The following TMC1 variants were observed in gnomAD, a reference collection of about 807,000 sequenced individuals.
TMC1 encodes transmembrane channel-like protein 1.
In TMC1, 84 loss-of-function variants were observed where a neutral mutation model predicts 105.8. The observed-to-expected ratio is 0.79, with a 90% confidence interval of 0.67 to 0.95. TMC1 has a LOEUF of 0.95. TMC1 is among the 40% of genes least tolerant of loss of function. The pLI, the probability that TMC1 is intolerant of heterozygous loss-of-function variation, is 0.00. For synonymous variants in TMC1, 315 were observed against 311.5 expected, an observed-to-expected ratio of 1.01 and a Z score of -0.12; for missense variants, 817 against 914.1, an observed-to-expected ratio of 0.89 and a Z score of 1.37.
chr9:72,816,456 C>T (rs1164092124), intron 19 of TMC1, among the ~76,000 whole-genome samples: 1 of 152,086 alleles, frequency 6.6e-6, no homozygotes, highest in Non-Finnish European at 1.5e-5. Flanking sequence ...TTCTGGTTAG[C>T]AGATTTATTT....
intron 12 of TMC1, among the ~76,000 whole-genome samples, chr9:72,755,154 A>T (rs1404945618): frequency 6.6e-6 from 1 of 151,972 alleles, no homozygotes; most frequent in Non-Finnish European, 1.5e-5. Flanking sequence ...CCTTTATATA[A>T]ATGTGACTAT....
intron 12 of TMC1, among the ~76,000 whole-genome samples, chr9:72,764,475 G>A (rs895388919): frequency 6.6e-6 from 1 of 152,076 alleles, no homozygotes; most frequent in Non-Finnish European, 1.5e-5. Flanking sequence ...ATAGCACTGA[G>A]ACTGTCTCAT....
At chr9:72,538,645 G>C (rs1823626380) in intron 1 of TMC1, among the ~76,000 whole-genome samples, 1 of 152,044 alleles carries the variant, frequency 6.6e-6, no homozygotes, top group Admixed American at 6.6e-5. Flanking sequence ...CACCATGTTG[G>C]CCAGGCTGGT....
In TMC1 at chr9:72,715,686, C is replaced by T. The variant is rs7866011; in HGVS notation, c.362+15043C>T. On this transcript the variant is annotated intron_variant, in intron 8 of 23. Coordinates refer to ENST00000297784, the MANE Select transcript of TMC1 (RefSeq NM_138691.3). ...AACCTTTTTTCAAGGTTCTTAGCTT[C>T]TTTTCATTGGGTTAGAACATGGTCC... 3.7e-3 allele frequency among the ~76,000 whole-genome samples: 561 copies of T among 152,046 alleles called. 6 individuals are homozygous for T. Among genetic ancestry groups the T allele is most frequent in the African/African-American group, 0.013 (538 of 41,454 alleles).
At position 72,529,098 on chromosome 9, in the gene TMC1, AT is replaced by A. The variant is rs36003839; in HGVS notation, c.-428+7198del. Among the ~76,000 whole-genome samples, 537 of 98,414 alleles carry A rather than the reference AT, an allele frequency of 5.5e-3. 1 individual carries two copies. The highest frequency in any genetic ancestry group is 7.6e-3 in the Admixed American group (56 of 7,386). The allele number at this position is 98,414 out of a possible 152,430, so 64.6% of individuals were successfully genotyped here. A position where few individuals can be genotyped will look rare whatever the true frequency, so the allele number is the denominator to read the frequency against. On this transcript the variant is annotated intron_variant, in intron 1 of 23. Coordinates refer to ENST00000297784, the MANE Select transcript of TMC1 (RefSeq NM_138691.3). ...ACAGGTTATACAGAAATACTACACCATTTTTTTTTTTTTAATCAGGGACTGA... is the reference window on the plus strand; with the variant it reads ...ACAGGTTATACAGAAATACTACACCATTTTTTTTTTTTAATCAGGGACTGA...
At chr9:72,610,470 A>G (rs1021644127) in intron 2 of TMC1, among the ~76,000 whole-genome samples, 4 of 152,168 alleles carry the variant, frequency 2.6e-5, no homozygotes, top group African/African-American at 7.2e-5. Context: ...CAGGCTCTAG[A>G]CACAGGAAGA....
chr9:72,745,764 C>A (rs1827479365), intron 10 of TMC1, among the ~76,000 whole-genome samples: 2 of 152,120 alleles, frequency 1.3e-5, no homozygotes, highest in South Asian at 4.1e-4. Context: ...AGAAATAGGA[C>A]ATGCAATGGA....
intron 4 of TMC1, among the ~76,000 whole-genome samples, chr9:72,639,128 G>A (rs57553537): frequency 0.097 from 14,754 of 151,988 alleles, 867 homozygotes; most frequent in African/African-American, 0.15. Flanking sequence ...ATATAAATGT[G>A]TAATGAATTT....
chr9:72,815,919 T>C (rs980693571), intron 18 of TMC1, among the ~76,000 whole-genome samples: 1 of 152,184 alleles, frequency 6.6e-6, no homozygotes, highest in African/African-American at 2.4e-5. Flanking sequence ...TGCTGTACTT[T>C]CATAGCATTG....
At chr9:72,725,263 T>A (rs1727378757) in intron 8 of TMC1, among the ~76,000 whole-genome samples, 1 of 147,886 alleles carries the variant, frequency 6.8e-6, no homozygotes, top group Non-Finnish European at 1.5e-5. Flanking sequence ...ATTCAAATAT[T>A]GTATTAGGGT....
rs758924923 is a variant in TMC1 at position 72,742,494 on chromosome 9, C to G, written c.504C>G (p.Val168=). Residue 168 remains valine, a synonymous_variant, in exon 10 of 24, where the codon GTC becomes GTG. Transcript: ENST00000297784. ...RDFENFKAAC[V]PWENKIKAIE... ...TTGAGAACTTCAAAGCTGCGTGTGT[C>G]CCATGGGAAAATAAAATCAAGGCTA... is the stretch of plus-strand genomic sequence containing the variant. 6 of 1,614,084 alleles carry G rather than the reference C, an allele frequency of 3.7e-6. No individual in the cohort carries two copies. Among genetic ancestry groups the G allele is most frequent in the Non-Finnish European group, 4.2e-6 (5 of 1,179,994 alleles).
chr9:72,815,336 A>G (rs1344440218), intron 18 of TMC1, among the ~76,000 whole-genome samples: 2 of 152,148 alleles, frequency 1.3e-5, no homozygotes, highest in Non-Finnish European at 2.9e-5. Context: ...CTGAGCATGA[A>G]GGTTAATATC....
intron 4 of TMC1, among the ~76,000 whole-genome samples, chr9:72,644,950 A>G (rs1336970203): frequency 6.6e-6 from 1 of 152,220 alleles, no homozygotes; most frequent in Non-Finnish European, 1.5e-5. Context: ...TGAAGCAAGA[A>G]CAAATATCAA....
intron 8 of TMC1, among the ~76,000 whole-genome samples, chr9:72,710,890 C>T (rs774384759): frequency 3.9e-5 from 6 of 152,046 alleles, no homozygotes; most frequent in Admixed American, 6.6e-5. Flanking sequence ...ACCTGTCAAC[C>T]CGTCATCCAC....
chr9:72,818,244 G>A (rs1018067786), intron 19 of TMC1, among the ~76,000 whole-genome samples: 1 of 152,148 alleles, frequency 6.6e-6, no homozygotes, highest in Non-Finnish European at 1.5e-5. Flanking sequence ...CTTGTGACTG[G>A]AGATATTGAA....
intron 1 of TMC1, among the ~76,000 whole-genome samples, chr9:72,567,232 A>G (rs117286035): frequency 0.036 from 5,538 of 152,156 alleles, 130 homozygotes; most frequent in Middle Eastern, 0.088. Context: ...TGATCATTGG[A>G]TCATGGTAGG....
intron 8 of TMC1, among the ~76,000 whole-genome samples, chr9:72,718,358 C>T (rs1343756747): frequency 1.3e-5 from 2 of 152,218 alleles, no homozygotes; most frequent in East Asian, 3.9e-4. Flanking sequence ...ATCTGAAGCT[C>T]AAGGCTGCTG....
chr9:72,768,197 A>G (rs1827868867), intron 12 of TMC1, among the ~76,000 whole-genome samples: 1 of 152,136 alleles, frequency 6.6e-6, no homozygotes, highest in East Asian at 1.9e-4. Flanking sequence ...GCTGGAAACC[A>G]TCATTCTCAG....
At chr9:72,596,506 AC>A (rs2132109193) in intron 2 of TMC1, among the ~76,000 whole-genome samples, 1 of 151,194 alleles carries the variant, frequency 6.6e-6, no homozygotes, top group African/African-American at 2.4e-5. Context: ...AATGACTTCA[AC>A]AATTGGGACT....
Sources: allele counts gnomAD v4.1 joint callset (sites outside exome capture counted in the v4.1 genomes callset), GRCh38; gene constraint gnomAD v4.1.1; transcripts MANE v1.5; gene names NCBI Gene and HGNC (gene_info 2026-07-23, HGNC 2026-07-21).